Variants in KCNH5 observed in about 807,000 individuals in gnomAD.
The protein encoded by KCNH5 is potassium voltage-gated channel subfamily H member 5, also known as voltage-gated delayed rectifier potassium channel KCNH5.
KCNH5 carries 46 observed loss-of-function variants against 96.1 expected under a neutral mutation model. The observed-to-expected ratio is 0.48, with a 90% confidence interval of 0.38 to 0.61. KCNH5 has a LOEUF of 0.61. Among genes scored for constraint, KCNH5 ranks in the 20% least tolerant of loss-of-function variants. The pLI is 0.00. For synonymous variants in KCNH5, 439 were observed against 449.8 expected (o/e 0.98, Z 0.30); for missense variants, 907 against 1,225.8 (o/e 0.74, Z 3.88).
At chr14:62,820,734 C>T (rs555208826) in intron 8 of KCNH5, among the ~76,000 whole-genome samples, 3 of 152,262 alleles carry the variant, frequency 2.0e-5, no homozygotes, top group Admixed American at 6.5e-5. Flanking sequence ...TTTATTCAAT[C>T]TATCATTGAT....
At chr14:62,723,656 T>A (rs941143037) in intron 10 of KCNH5, among the ~76,000 whole-genome samples, 1 of 152,308 alleles carries the variant, frequency 6.6e-6, no homozygotes, top group Admixed American at 6.5e-5. Context: ...TGAAAGTTTT[T>A]AAAAATAAAG....
intron 1 of KCNH5, among the ~76,000 whole-genome samples, chr14:63,036,526 G>A (rs8021914): frequency 0.25 from 37,373 of 151,510 alleles, 5,441 homozygotes; most frequent in East Asian, 0.43. Context: ...TCAATCTGAG[G>A]CCAAAAGCAA....
chr14:62,766,318 A>T (rs1389647070), intron 10 of KCNH5, among the ~76,000 whole-genome samples: 1 of 152,150 alleles, frequency 6.6e-6, no homozygotes, highest in East Asian at 1.9e-4. Context: ...CAGCAATCCC[A>T]CTGCTGGGTA....
intron 9 of KCNH5, among the ~76,000 whole-genome samples, chr14:62,793,409 T>C (rs941740322): frequency 1.3e-5 from 2 of 151,800 alleles, no homozygotes; most frequent in African/African-American, 2.4e-5. Flanking sequence ...CACAGACTCA[T>C]CACATTGTGT....
intron 1 of KCNH5, among the ~76,000 whole-genome samples, chr14:63,030,682 C>CA (rs1406104955): frequency 6.6e-5 from 10 of 152,142 alleles, no homozygotes; most frequent in Non-Finnish European, 1.2e-4. Context: ...ATTGTTAAGT[C>CA]TTTCAGGTAG....
chr14:62,834,897 T>C (rs1887434232), intron 8 of KCNH5, among the ~76,000 whole-genome samples: 1 of 151,946 alleles, frequency 6.6e-6, no homozygotes, highest in African/African-American at 2.4e-5. Flanking sequence ...AGTTGAGTAG[T>C]GGAGGCAAAG....
intron 7 of KCNH5, among the ~76,000 whole-genome samples, chr14:62,920,615 T>G (rs1192365421): frequency 6.6e-6 from 1 of 152,090 alleles, no homozygotes; most frequent in Non-Finnish European, 1.5e-5. Flanking sequence ...TTCAGTGTTG[T>G]TCTGGGTTCA....
chr14:62,855,854 C>G (rs75958330), intron 7 of KCNH5, among the ~76,000 whole-genome samples: 2 of 152,054 alleles, frequency 1.3e-5, no homozygotes, highest in African/African-American at 4.8e-5. Context: ...TCAAGCATTG[C>G]TGAATTTAGT....
chr14:62,720,089 T>C (rs17100282), intron 10 of KCNH5, among the ~76,000 whole-genome samples: 11,537 of 151,382 alleles, frequency 0.076, 664 homozygotes, highest in East Asian at 0.28. Flanking sequence ...TATGGGGAGG[T>C]GATATTTGAG....
chr14:62,818,668 T>A (rs998411700), intron 8 of KCNH5, among the ~76,000 whole-genome samples: 2 of 152,198 alleles, frequency 1.3e-5, no homozygotes, highest in Admixed American at 6.5e-5. Context: ...GTCTTAGGTA[T>A]ATACACTAAA....
chr14:62,897,154 T>C (rs1437292362), intron 7 of KCNH5, among the ~76,000 whole-genome samples: 1 of 152,160 alleles, frequency 6.6e-6, no homozygotes, highest in African/African-American at 2.4e-5. Context: ...GTGTTTCCAA[T>C]TTTGCTAATG....
chr14:62,800,629 C>T (rs1399166594), intron 9 of KCNH5, among the ~76,000 whole-genome samples: 1 of 152,090 alleles, frequency 6.6e-6, no homozygotes, highest in Admixed American at 6.6e-5. Context: ...TTCCTACCCA[C>T]GTTTGATGTG....
At chr14:62,720,538 G>A (rs1481652701) in intron 10 of KCNH5, among the ~76,000 whole-genome samples, 1 of 152,118 alleles carries the variant, frequency 6.6e-6, no homozygotes, top group Non-Finnish European at 1.5e-5. Context: ...AGCTGAGATC[G>A]CGCCACTGCA....
chr14:62,798,917 C>A (rs1156602928), intron 9 of KCNH5, among the ~76,000 whole-genome samples: 1 of 152,144 alleles, frequency 6.6e-6, no homozygotes, highest in Non-Finnish European at 1.5e-5. Context: ...TTTTAACTGG[C>A]AAATGTATCA....
At chr14:62,908,422 T>C (rs1328610164) in intron 7 of KCNH5, among the ~76,000 whole-genome samples, 1 of 152,210 alleles carries the variant, frequency 6.6e-6, no homozygotes, top group Non-Finnish European at 1.5e-5. Context: ...CTGGCCAAGA[T>C]GGTAGCCTTA....
intron 2 of KCNH5, among the ~76,000 whole-genome samples, chr14:63,009,038 G>T (rs2139599944): frequency 1.3e-5 from 2 of 152,084 alleles, no homozygotes; most frequent in Non-Finnish European, 2.9e-5. Context: ...AGTCTTAAAA[G>T]AAAGAAAGAA....
intron 7 of KCNH5, among the ~76,000 whole-genome samples, chr14:62,927,620 A>C (rs1007025636): frequency 2.6e-5 from 4 of 152,244 alleles, no homozygotes; most frequent in Middle Eastern, 6.8e-3. Flanking sequence ...GCTAAGTGAA[A>C]TAATTCAGTC....
At chr14:62,799,847 A>G (rs939667829) in intron 9 of KCNH5, among the ~76,000 whole-genome samples, 109 of 141,970 alleles carry the variant, frequency 7.7e-4, no homozygotes, top group Admixed American at 2.7e-3. Context: ...TATATTATAT[A>G]TATTTAATAT....
chr14:62,814,782 CAAA>C (rs71120235), intron 8 of KCNH5, among the ~76,000 whole-genome samples: 2 of 33,750 alleles, frequency 5.9e-5, no homozygotes, highest in Admixed American at 5.7e-4. Context: ...GACTCCATCT[CAAA>C]AAAAAAAAAA....
Sources: gnomAD v4.1 joint callset for allele counts (sites outside exome capture counted in the v4.1 genomes callset) on GRCh38, gnomAD v4.1.1 for gene constraint, MANE v1.5 for transcripts, NCBI Gene and HGNC (gene_info 2026-07-23, HGNC 2026-07-21) for gene names.